The following MMP26 variants were observed in gnomAD, a reference collection of about 807,000 sequenced individuals.
MMP26 encodes the protein matrix metallopeptidase 26.
Under a neutral mutation model 31.0 loss-of-function variants are expected in MMP26, and 33 were observed. The ratio of observed to expected loss-of-function variants is 1.06; its 90% CI spans 0.81 to 1.42. The LOEUF (loss-of-function observed/expected upper bound fraction) is 1.42. MMP26 is among the 40% of genes most tolerant of loss of function. The pLI, the probability that MMP26 is intolerant of heterozygous loss-of-function variation, is 0.00. For synonymous variants in MMP26, 122 were observed against 114.9 expected (o/e 1.06, Z -0.40); for missense variants, 347 against 316.1 (o/e 1.10, Z -0.74).
intron 2 of MMP26, among the ~76,000 whole-genome samples, chr11:4,827,569 T>G (rs1849594458): frequency 6.6e-6 from 1 of 152,012 alleles, no homozygotes; most frequent in African/African-American, 2.4e-5. Context: ...AAAATGCTTT[T>G]GCAGGGAATA....
intron 2 of MMP26, among the ~76,000 whole-genome samples, chr11:4,963,320 T>A (rs1486753505): frequency 6.6e-6 from 1 of 152,196 alleles, no homozygotes; most frequent in East Asian, 1.9e-4. Flanking sequence ...CAAAGTAATT[T>A]ATAGATTCAA....
chr11:4,971,954 C>T (rs1464041334), intron 2 of MMP26, among the ~76,000 whole-genome samples: 2 of 152,166 alleles, frequency 1.3e-5, no homozygotes, highest in East Asian at 1.9e-4. Flanking sequence ...GTACCACGCC[C>T]TTCATGAGGG....
Position 4,937,212 on chromosome 11 carries a change from T to C in MMP26, c.-144-50856T>C, listed in dbSNP as rs1005580768. Among the ~76,000 whole-genome samples the C allele has an allele frequency of 2.0e-5, 3 of 152,200 alleles. No homozygotes were observed. The South Asian group carries it at 6.2e-4, about 32-fold the overall frequency. On this transcript the variant is annotated intron_variant, in intron 2 of 7. Transcript: ENST00000380390. ...GCATAAGGGCACTTAGGGTACTGAA[T>C]ATCAAAAGTCATTCATTCTGTGAAC...
At chr11:4,856,043 G>C (rs773904128) in intron 2 of MMP26, among the ~76,000 whole-genome samples, 2 of 152,140 alleles carry the variant, frequency 1.3e-5, no homozygotes, top group East Asian at 3.8e-4. Context: ...GTCACCACCA[G>C]GCCTGCCTTA....
chr11:4,856,845 A>G (rs909810848), intron 2 of MMP26, among the ~76,000 whole-genome samples: 1 of 152,198 alleles, frequency 6.6e-6, no homozygotes, highest in African/African-American at 2.4e-5. Context: ...CAGCAAATGT[A>G]AAAGAACAGA....
At chr11:4,832,281 T>G (rs1214502584) in intron 2 of MMP26, 1 of 172,086 alleles carries the variant, frequency 5.8e-6, no homozygotes, top group African/African-American at 2.4e-5. Flanking sequence ...ATCCTATTTG[T>G]TATCAGAACA....
At chr11:4,726,380 C>G (rs1336608585) in intron 1 of MMP26, among the ~76,000 whole-genome samples, 2 of 151,730 alleles carry the variant, frequency 1.3e-5, no homozygotes, top group East Asian at 3.9e-4. Flanking sequence ...GAGAATCACT[C>G]GAACCCGGGA....
intron 2 of MMP26, among the ~76,000 whole-genome samples, chr11:4,934,079 C>G (rs844482): frequency 0.65 from 70,182 of 107,814 alleles, 23,553 homozygotes; most frequent in East Asian, 0.85. Flanking sequence ...AGTCCTTTGG[C>G]TATATACCCA....
At chr11:4,897,699 T>C (rs931425201) in intron 2 of MMP26, among the ~76,000 whole-genome samples, 1 of 151,718 alleles carries the variant, frequency 6.6e-6, no homozygotes, top group African/African-American at 2.4e-5. Context: ...ATCCTTAGAG[T>C]ACGAATCCTT....
At chr11:4,728,332 G>C (rs767136570) in intron 1 of MMP26, among the ~76,000 whole-genome samples, 2 of 152,184 alleles carry the variant, frequency 1.3e-5, no homozygotes, top group African/African-American at 2.4e-5. Context: ...ACTGGGTACT[G>C]ACAGCTTATA....
intron 1 of MMP26, among the ~76,000 whole-genome samples, chr11:4,717,451 G>A (rs1047728741): frequency 6.6e-6 from 1 of 151,992 alleles, no homozygotes; most frequent in Non-Finnish European, 1.5e-5. Flanking sequence ...AGTTGTAGCG[G>A]AAGAAGAGAT....
At position 4,915,763 on chromosome 11, in the gene MMP26, A is replaced by T. The variant is rs1010435873; in HGVS notation, c.-144-72305A>T. ...ACCTGGTGGAAATTAAAGAAAAAAA[A>T]TAGAATCAAATATACCTAGAACTGT... is the stretch of plus-strand genomic sequence containing the variant. On this transcript the variant is annotated intron_variant, in intron 2 of 7. Transcript: ENST00000380390. 27 of 698,472 alleles carry T rather than the reference A, an allele frequency of 3.9e-5. No homozygotes were observed. In the South Asian group the frequency reaches 5.2e-4, roughly 13 times the overall value. 43.3% of individuals were successfully genotyped at this position (698,472 alleles called of 1,614,324 possible). A position where few individuals can be genotyped will look rare whatever the true frequency, so the allele number is the denominator to read the frequency against.
intron 2 of MMP26, among the ~76,000 whole-genome samples, chr11:4,933,565 G>GTTTTTTTTTTTTTTTTTT (rs71050440): frequency 6.7e-6 from 1 of 149,412 alleles, no homozygotes; most frequent in African/African-American, 2.5e-5. Flanking sequence ...TGTTTGTTTT[G>GTTTTTTTTTTTTTTTTTT]TTTTTTTTAT....
At chr11:4,964,052 A>G (rs554891760) in intron 2 of MMP26, among the ~76,000 whole-genome samples, 1 of 152,038 alleles carries the variant, frequency 6.6e-6, no homozygotes, top group Admixed American at 6.5e-5. Flanking sequence ...TTCTCTCATT[A>G]TGTAGGTTGT....
rs770634196 is a variant in MMP26, at chr11:4,704,988, T to C, written c.-274T>C. 7.2e-5 allele frequency: 11 copies of C among 152,166 alleles called. No individual in the cohort carries two copies. The highest frequency in any genetic ancestry group is 1.5e-4 in the Non-Finnish European group (10 of 68,040). 9.4% of individuals were successfully genotyped at this position (152,166 alleles called of 1,614,324 possible). A position where few individuals can be genotyped will look rare whatever the true frequency, so the allele number is the denominator to read the frequency against. On this transcript the variant is annotated 5_prime_UTR_variant, in exon 1 of 8. Coordinates refer to ENST00000380390, the MANE Select transcript of MMP26 (RefSeq NM_021801.5). ...CTGCTGTGTGGGATGATCCTTCAAATAGCAGGGGGCAGGATCAAATAACCT... is the reference window on the plus strand; with the variant it reads ...CTGCTGTGTGGGATGATCCTTCAAACAGCAGGGGGCAGGATCAAATAACCT...
intron 1 of MMP26, among the ~76,000 whole-genome samples, chr11:4,751,604 TAAAG>T (rs1848447504): frequency 6.6e-6 from 1 of 152,186 alleles, no homozygotes; most frequent in Non-Finnish European, 1.5e-5. Flanking sequence ...AATGAAACTT[TAAAG>T]AAAGTTTAAG....
intron 2 of MMP26, among the ~76,000 whole-genome samples, chr11:4,778,643 G>C (rs1239050255): frequency 6.6e-6 from 1 of 152,020 alleles, no homozygotes; most frequent in Non-Finnish European, 1.5e-5. Context: ...AATAACCACT[G>C]TAGGAAAACC....
chr11:4,960,742 T>A lies in MMP26; in HGVS notation c.-144-27326T>A, dbSNP rs1162426791. ...ACATTTCTGAAAAAAATATTTAAAA[T>A]ATATTTATTTACATTTAAAAAGGGG... On this transcript the variant is annotated intron_variant, in intron 2 of 7. Coordinates refer to ENST00000380390, the MANE Select transcript of MMP26 (RefSeq NM_021801.5). Among the ~76,000 whole-genome samples the A allele has an allele frequency of 4.6e-5, 7 of 152,006 alleles. No homozygotes were observed. In the East Asian group the frequency reaches 1.4e-3, roughly 29 times the overall value.
At chr11:4,802,126 G>A (rs959253389) in intron 2 of MMP26, among the ~76,000 whole-genome samples, 34 of 152,168 alleles carry the variant, frequency 2.2e-4, no homozygotes, top group African/African-American at 8.2e-4. Context: ...CATTGGTTCA[G>A]AATATTTAAG....
Sources: allele counts gnomAD v4.1 joint callset (sites outside exome capture counted in the v4.1 genomes callset), GRCh38; gene constraint gnomAD v4.1.1; transcripts MANE v1.5; gene names NCBI Gene and HGNC (gene_info 2026-07-23, HGNC 2026-07-21).